Variants in GRIK2 observed in about 807,000 individuals in gnomAD.
GRIK2 encodes the protein glutamate receptor ionotropic, kainate 2.
In GRIK2, 32 loss-of-function variants were observed where a neutral mutation model predicts 100.3. That is an observed-to-expected ratio of 0.32 (90% CI 0.24 to 0.43). The LOEUF (loss-of-function observed/expected upper bound fraction) is 0.43. GRIK2 is among the 20% of genes least tolerant of loss of function. GRIK2 has a pLI of 1.00. For missense variants in GRIK2, 843 were observed against 1,114.9 expected (o/e 0.76, Z 3.47); for synonymous variants, 417 against 389.4 (o/e 1.07, Z -0.83).
intron 2 of GRIK2, among the ~76,000 whole-genome samples, chr6:101,542,344 T>A (rs992482934): frequency 6.6e-6 from 1 of 152,056 alleles, no homozygotes; most frequent in African/African-American, 2.4e-5. Context: ...TGCATATATA[T>A]TATTATGTAT....
intron 12 of GRIK2, among the ~76,000 whole-genome samples, chr6:101,918,942 ACTATGGAATTTCAG>A (rs1319684925): frequency 4.8e-4 from 73 of 151,786 alleles, no homozygotes; most frequent in Admixed American, 4.6e-3. Flanking sequence ...AAAAGCAAAC[ACTATGGAATTTCAG>A]AAAGGAGTAG....
chr6:101,559,509 G>A (rs952823220), intron 2 of GRIK2, among the ~76,000 whole-genome samples: 3 of 151,890 alleles, frequency 2.0e-5, no homozygotes, highest in African/African-American at 7.3e-5. Context: ...TAAGTTATTT[G>A]GAGATTACAA....
intron 2 of GRIK2, among the ~76,000 whole-genome samples, chr6:101,530,238 T>C (rs1452859985): frequency 1.3e-5 from 2 of 152,090 alleles, no homozygotes; most frequent in African/African-American, 4.8e-5. Flanking sequence ...TATATAATTG[T>C]TTGCATATAT....
At chr6:101,753,280 C>CT (rs1272732494) in intron 7 of GRIK2, among the ~76,000 whole-genome samples, 1 of 102,230 alleles carries the variant, frequency 9.8e-6, no homozygotes, top group African/African-American at 4.6e-5. Flanking sequence ...GAGACTCCGT[C>CT]TCAAAAAAAA....
intron 14 of GRIK2, among the ~76,000 whole-genome samples, chr6:102,030,009 A>C (rs756426988): frequency 3.6e-4 from 54 of 151,402 alleles, no homozygotes; most frequent in Non-Finnish European, 6.4e-4. Flanking sequence ...GAGAATATTT[A>C]AGATCTATTC....
intron 2 of GRIK2, among the ~76,000 whole-genome samples, chr6:101,527,166 A>T (rs1002696281): frequency 3.2e-4 from 49 of 152,202 alleles, no homozygotes; most frequent in African/African-American, 1.2e-3. Context: ...AGGAAAAACA[A>T]TCTGCTCATC....
At chr6:101,666,210 CAACGG>C (rs1043045653) in intron 4 of GRIK2, among the ~76,000 whole-genome samples, 1 of 152,098 alleles carries the variant, frequency 6.6e-6, no homozygotes, top group African/African-American at 2.4e-5. Context: ...TAAAATTGGC[CAACGG>C]AAGGAGTGCA....
Position 101,458,010 on chromosome 6 carries a change from G to C in GRIK2, c.115+58618G>C, listed in dbSNP as rs150729151. On this transcript the variant is annotated intron_variant, in intron 2 of 16. Coordinates refer to ENST00000369134, the MANE Select transcript of GRIK2 (RefSeq NM_021956.5). ...AAAAGCAGAAAGCAAAAGCACTTAA[G>C]CCATCATTTTTAAAGACTTGTTGAA... Among the ~76,000 whole-genome samples the C allele has an allele frequency of 1.2e-4, 18 of 152,088 alleles. No individual in the cohort carries two copies. The East Asian group carries it at 3.3e-3, about 28-fold the overall frequency.
chr6:101,572,023 A>G (rs1358442790), intron 2 of GRIK2, among the ~76,000 whole-genome samples: 3 of 152,142 alleles, frequency 2.0e-5, no homozygotes, highest in Admixed American at 2.0e-4. Flanking sequence ...GCCAGAGTAT[A>G]TACTGTTACA....
chr6:101,476,186 G>A (rs1372207840), intron 2 of GRIK2, among the ~76,000 whole-genome samples: 1 of 152,044 alleles, frequency 6.6e-6, no homozygotes, highest in African/African-American at 2.4e-5. Flanking sequence ...AATGGATTCA[G>A]CTACTGTGTG....
At chr6:101,574,917 GTTC>G (rs1777727098) in intron 2 of GRIK2, among the ~76,000 whole-genome samples, 1 of 151,610 alleles carries the variant, frequency 6.6e-6, no homozygotes, top group South Asian at 2.1e-4. Flanking sequence ...TGAAAATGCT[GTTC>G]TTATATGCTG....
At position 101,881,365 on chromosome 6, in the gene GRIK2, C is replaced by T. The variant is rs193112522; in HGVS notation, c.1525-8275C>T. On this transcript the variant is annotated intron_variant, in intron 11 of 16. Transcript: ENST00000369134. ...CAAAAGATGCTAATTACTTCAGAATCAAGAAATCAGTAATAGCTAAATCAG... is the reference window on the plus strand; with the variant it reads ...CAAAAGATGCTAATTACTTCAGAATTAAGAAATCAGTAATAGCTAAATCAG... Among the ~76,000 whole-genome samples the T allele has an allele frequency of 5.2e-3, 792 of 151,720 alleles. 2 individuals carry two copies. Among genetic ancestry groups the T allele is most frequent in the Non-Finnish European group, 8.4e-3 (573 of 67,830 alleles).
chr6:101,661,298 C>A (rs1018265091), intron 4 of GRIK2, among the ~76,000 whole-genome samples: 8 of 152,088 alleles, frequency 5.3e-5, no homozygotes, highest in African/African-American at 1.9e-4. Flanking sequence ...CCTACTCAAG[C>A]CTCAGTAATA....
chr6:101,868,298 A>C (rs1036025408), intron 11 of GRIK2, among the ~76,000 whole-genome samples: 2 of 151,768 alleles, frequency 1.3e-5, no homozygotes, highest in Non-Finnish European at 2.9e-5. Flanking sequence ...GCTCAAACAA[A>C]ATGTATGTAA....
intron 7 of GRIK2, among the ~76,000 whole-genome samples, chr6:101,798,601 T>C (rs1011208333): frequency 6.6e-6 from 1 of 152,090 alleles, no homozygotes; most frequent in African/African-American, 2.4e-5. Flanking sequence ...TTGTATTGTA[T>C]TGTGGCAAAT....
intron 7 of GRIK2, among the ~76,000 whole-genome samples, chr6:101,730,102 T>C (rs1775154705): frequency 6.6e-6 from 1 of 151,996 alleles, no homozygotes; most frequent in South Asian, 2.1e-4. Context: ...TATTAGCTTA[T>C]TTTTCATTTC....
chr6:102,027,864 A>C (rs1250532140), intron 14 of GRIK2, among the ~76,000 whole-genome samples: 2 of 151,102 alleles, frequency 1.3e-5, no homozygotes, highest in Non-Finnish European at 3.0e-5. Flanking sequence ...ATACCTTTAT[A>C]TTTGTCAAAT....
chr6:101,468,644 T>C (rs1315556649), intron 2 of GRIK2, among the ~76,000 whole-genome samples: 2 of 152,190 alleles, frequency 1.3e-5, no homozygotes, highest in African/African-American at 4.8e-5. Flanking sequence ...GAACCATTCC[T>C]CTTTGAAACG....
chr6:101,895,411 T>G (rs896113883), intron 12 of GRIK2, among the ~76,000 whole-genome samples: 7 of 151,686 alleles, frequency 4.6e-5, no homozygotes, highest in African/African-American at 1.7e-4. Flanking sequence ...CTTTATATTT[T>G]GGCTTAACTG....
Sources: gnomAD v4.1 joint callset for allele counts (sites outside exome capture counted in the v4.1 genomes callset) on GRCh38, gnomAD v4.1.1 for gene constraint, MANE v1.5 for transcripts, NCBI Gene and HGNC (gene_info 2026-07-23, HGNC 2026-07-21) for gene names.